The following DTHD1 variants were observed in gnomAD, a reference collection of about 807,000 sequenced individuals.
DTHD1 encodes the protein death domain-containing protein 1.
DTHD1 carries 59 observed loss-of-function variants against 74.8 expected under a neutral mutation model. That is an observed-to-expected ratio of 0.79 (90% CI 0.64 to 0.98). DTHD1 has a LOEUF of 0.98. Ranked by LOEUF, DTHD1 falls within the 50% of genes least tolerant of loss-of-function variation. The pLI, the probability that DTHD1 is intolerant of heterozygous loss-of-function variation, is 0.00. For missense variants in DTHD1, 1,051 were observed against 1,065.4 expected, an observed-to-expected ratio of 0.99 and a Z score of 0.19; for synonymous variants, 365 against 371.1, an observed-to-expected ratio of 0.98 and a Z score of 0.19.
At chr4:36,286,952 A>T (rs1755750139) in intron 2 of DTHD1, among the ~76,000 whole-genome samples, 1 of 152,092 alleles carries the variant, frequency 6.6e-6, no homozygotes, top group East Asian at 1.9e-4. Flanking sequence ...TTTTATTTTT[A>T]AAAGTTTTAA....
rs1759444576 is a variant in DTHD1, at chr4:36,343,637, CA to C, written c.2535del (p.Glu846AsnfsTer58). Reference sequence around the variant, plus strand: ...AAACTCAAGAACCCTGATGATCTCACAGAACAGATCCACGAGTTTCTTTGCT... The same window carrying C: ...AAACTCAAGAACCCTGATGATCTCACGAACAGATCCACGAGTTTCTTTGCT... ...LIKLKNPDDLTEQIHEFLCFW... is the reference protein window; with the variant it reads ...LIKLKNPDDLXEQIHEFLCFW... On this transcript the variant is annotated frameshift_variant, in exon 10 of 10. Transcript: ENST00000639862. LOFTEE classifies it high-confidence loss of function. 1 of 1,551,832 alleles carries C rather than the reference CA, an allele frequency of 6.4e-7. No homozygotes were observed. Among genetic ancestry groups the C allele is most frequent in the South Asian group, 1.2e-5 (1 of 84,058 alleles).
rs1434708999 is a variant in DTHD1 at position 36,345,820 on chromosome 4, T to A, written c.*1996T>A. The A allele has an allele frequency of 6.6e-6, 1 of 152,214 alleles. No individual in the cohort carries two copies. The highest frequency in any genetic ancestry group is 1.5e-5 in the Non-Finnish European group (1 of 68,026). 9.4% of individuals were successfully genotyped at this position (152,214 alleles called of 1,614,324 possible). On this transcript the variant is annotated 3_prime_UTR_variant, in exon 10 of 10. Transcript: ENST00000639862. ...ATAATTTCTTCTAGTTTTTCTTTTT[T>A]TCTGGAAGAAAATATTTCTATTTCT...
At chr4:36,283,509 G>T (rs774881428) in intron 1 of DTHD1, among the ~76,000 whole-genome samples, 5 of 152,162 alleles carry the variant, frequency 3.3e-5, no homozygotes, top group African/African-American at 4.8e-5. Context: ...AATAATGGAG[G>T]TATGGTGTTT....
intron 8 of DTHD1, among the ~76,000 whole-genome samples, chr4:36,317,106 A>G (rs1156330485): frequency 1.3e-5 from 2 of 152,262 alleles, no homozygotes; most frequent in African/African-American, 4.8e-5. Context: ...ATCTTGAGGT[A>G]AAAACAAACT....
In DTHD1 at chr4:36,284,595, A is replaced by G; in HGVS notation, c.887+4A>G. ...AGAATAACATAATGGAAAAGGAGTA[A>G]GTAAATGCAATGTGGGAAGTGCTTA... On this transcript the variant is annotated splice_donor_region_variant and intron_variant, in intron 2 of 9. Coordinates refer to ENST00000639862, the MANE Select transcript of DTHD1 (RefSeq NM_001170700.3). 6.7e-7 allele frequency: 1 copy of G among 1,499,476 alleles called. No homozygotes were observed. The highest frequency in any genetic ancestry group is 8.9e-7 in the Non-Finnish European group (1 of 1,129,486). 92.9% of individuals were successfully genotyped at this position (1,499,476 alleles called of 1,614,324 possible). A position where few individuals can be genotyped will look rare whatever the true frequency, so the allele number is the denominator to read the frequency against.
rs930334304 is a variant in DTHD1, at chr4:36,343,598, C to G, written c.2495C>G (p.Thr832Ser). ...LSSTLPLRRS[T>S]IQLIKLKNPD... ...TCAACTCTCCCTCTGCGCCGTAGCA[C>G]CATTCAGCTCATCAAACTCAAGAAC... is the stretch of plus-strand genomic sequence containing the variant. Residue 832 changes from threonine to serine, a missense_variant, in exon 10 of 10, where the codon ACC becomes AGC. Physicochemically the swap from Thr to Ser is moderately conservative, Grantham distance 58. Coordinates refer to ENST00000639862, the MANE Select transcript of DTHD1 (RefSeq NM_001170700.3). The G allele has an allele frequency of 5.8e-6, 9 of 1,551,720 alleles. No homozygotes were observed. The Admixed American group carries it at 7.8e-5, about 14-fold the overall frequency.
intron 8 of DTHD1, among the ~76,000 whole-genome samples, chr4:36,320,124 T>G (rs1334218859): frequency 2.0e-5 from 3 of 152,256 alleles, no homozygotes; most frequent in African/African-American, 7.2e-5. Flanking sequence ...GAAATATTTT[T>G]TTTTCTAATC....
rs1755402221 is a variant in DTHD1 at position 36,281,631 on chromosome 4, GA to G, written c.-125del. 1.2e-5 allele frequency: 15 copies of G among 1,225,772 alleles called. No homozygotes were observed. In the South Asian group the frequency reaches 6.4e-4, roughly 52 times the overall value. The allele number at this position is 1,225,772 out of a possible 1,614,324, so 75.9% of individuals were successfully genotyped here. A position where few individuals can be genotyped will look rare whatever the true frequency, so the allele number is the denominator to read the frequency against. ...AAACTGAATAACCACTATGTTGTGA[GA>G]AAGTGCTGGGCTAGCTGACTCGGAT... On this transcript the variant is annotated 5_prime_UTR_variant, in exon 1 of 10. Coordinates refer to ENST00000639862, the MANE Select transcript of DTHD1 (RefSeq NM_001170700.3).
chr4:36,316,922 C>T (rs1312029482), intron 8 of DTHD1, among the ~76,000 whole-genome samples: 1 of 152,110 alleles, frequency 6.6e-6, no homozygotes, highest in African/African-American at 2.4e-5. Flanking sequence ...TTATGTTTGC[C>T]TAAAATTCTT....
At chr4:36,336,883 T>C (rs994533171) in intron 8 of DTHD1, among the ~76,000 whole-genome samples, 1 of 152,178 alleles carries the variant, frequency 6.6e-6, no homozygotes, top group Non-Finnish European at 1.5e-5. Context: ...AACTGTGGAA[T>C]AGAACCTCCA....
At position 36,294,958 on chromosome 4, in the gene DTHD1, A is replaced by G; in HGVS notation, c.1562A>G (p.Lys521Arg). The change falls in exon 5 of 10, where the codon AAA becomes AGA. Residue 521 changes from lysine to arginine, a missense_variant. Physicochemically the swap from Lys to Arg is conservative, Grantham distance 26 (BLOSUM62 2). Transcript: ENST00000639862. ...LFLPCSPYLD[K>R]NNLGSEIDHK... Reference sequence around the variant, plus strand: ...TTACCTTGTTCTCCATACCTTGATAAAAACAACCTTGGTTCTGAGATAGAT... The same window carrying G: ...TTACCTTGTTCTCCATACCTTGATAGAAACAACCTTGGTTCTGAGATAGAT... 6.4e-7 allele frequency: 1 copy of G among 1,551,620 alleles called. No homozygotes were observed.
chr4:36,331,920 A>T (rs1758702952), intron 8 of DTHD1, among the ~76,000 whole-genome samples: 1 of 152,232 alleles, frequency 6.6e-6, no homozygotes, highest in South Asian at 2.1e-4. Flanking sequence ...ACAACTTCTT[A>T]TGACAAATGG....
In DTHD1 at chr4:36,295,021, C is replaced by A. The variant is rs758507951; in HGVS notation, c.1625C>A (p.Thr542Lys). The A allele has an allele frequency of 1.4e-5, 21 of 1,542,492 alleles. No individual in the cohort carries two copies. The highest frequency in any genetic ancestry group is 1.7e-4 in the Middle Eastern group (1 of 5,978). ...RRASATINRI[T>K]PSYFNRTKIA... ...GCAAGTGCCACAATAAATAGGATTA[C>A]ACCTTCGTATTTCAACCGGTGAGTA... Residue 542 changes from threonine to lysine, a missense_variant, in exon 5 of 10, where the codon ACA (threonine) becomes AAA (lysine). Coordinates refer to ENST00000639862, the MANE Select transcript of DTHD1 (RefSeq NM_001170700.3).
intron 4 of DTHD1, 55 bp downstream of exon 4, chr4:36,293,760 G>T: frequency 7.2e-7 from 1 of 1,392,968 alleles, no homozygotes; most frequent in Non-Finnish European, 9.5e-7. Context: ...GGGTCATCAA[G>T]CATGGTTCTA....
At chr4:36,291,379 T>A (rs1233857208) in intron 3 of DTHD1, among the ~76,000 whole-genome samples, 1 of 152,210 alleles carries the variant, frequency 6.6e-6, no homozygotes, top group Non-Finnish European at 1.5e-5. Context: ...AAGAATTAAA[T>A]AGATAATAAA....
At position 36,345,244 on chromosome 4, in the gene DTHD1, TC is replaced by T. The variant is rs1759530556; in HGVS notation, c.*1421del. 2 of 152,150 alleles carry T rather than the reference TC, an allele frequency of 1.3e-5. No homozygotes were observed. The highest frequency in any genetic ancestry group is 6.6e-5 in the Admixed American group (1 of 15,248). 9.4% of individuals were successfully genotyped at this position (152,150 alleles called of 1,614,324 possible). ...AAATGAAAGAAAAAATTAAAACTTA[TC>T]TAAACCCCTCTTTCTATTGATAATC... On this transcript the variant is annotated 3_prime_UTR_variant, in exon 10 of 10. Coordinates refer to ENST00000639862, the MANE Select transcript of DTHD1 (RefSeq NM_001170700.3).
chr4:36,341,632 A>G (rs1207554577), intron 9 of DTHD1, among the ~76,000 whole-genome samples: 3 of 152,238 alleles, frequency 2.0e-5, no homozygotes, highest in Non-Finnish European at 4.4e-5. Context: ...TGTTGATCAC[A>G]TTCAACATAT....
rs182490997 is a variant in DTHD1 at position 36,312,888 on chromosome 4, G to A, written c.2096-3354G>A. ...GTGATCAGAGTTAGATTATAACTGC[G>A]TTGAGAATAGGCTTTAGAGCAAGAG... On this transcript the variant is annotated intron_variant, in intron 7 of 9. Coordinates refer to ENST00000639862, the MANE Select transcript of DTHD1 (RefSeq NM_001170700.3). Among the ~76,000 whole-genome samples, 47 of 152,306 alleles carry A rather than the reference G, an allele frequency of 3.1e-4. No homozygotes were observed. In the East Asian group the frequency reaches 5.6e-3, roughly 18 times the overall value.
chr4:36,304,426 TAAG>T (rs1258714810), intron 5 of DTHD1, among the ~76,000 whole-genome samples: 5 of 152,086 alleles, frequency 3.3e-5, no homozygotes, highest in African/African-American at 1.2e-4. Flanking sequence ...CAATACAGAG[TAAG>T]AAGTTTTCAG....
Sources: allele counts gnomAD v4.1 joint callset (sites outside exome capture counted in the v4.1 genomes callset), GRCh38; gene constraint gnomAD v4.1.1; transcripts MANE v1.5; gene names NCBI Gene and HGNC (gene_info 2026-07-23, HGNC 2026-07-21).